Variants in BCL11B observed in about 807,000 individuals in gnomAD.
BCL11B encodes BCL11 transcription factor B.
Under a neutral mutation model 49.9 loss-of-function variants are expected in BCL11B, and 8 were observed. That is an observed-to-expected ratio of 0.16 (90% CI 0.09 to 0.29). BCL11B has a LOEUF of 0.29. BCL11B is among the 10% of genes least tolerant of loss of function. The pLI, the probability that BCL11B is intolerant of heterozygous loss-of-function variation, is 1.00. For synonymous variants in BCL11B, 739 were observed against 637.4 expected (o/e 1.16, Z -2.40); for missense variants, 1,006 against 1,351.0 (o/e 0.74, Z 4.00).
At chr14:99,214,145 C>T (rs1352419737) in intron 3 of BCL11B, among the ~76,000 whole-genome samples, 2 of 152,182 alleles carry the variant, frequency 1.3e-5, no homozygotes, top group African/African-American at 2.4e-5. Flanking sequence ...CCCCCATCCA[C>T]GGCCCTGCCT....
Position 99,232,119 on chromosome 14 carries a change from T to C in BCL11B, c.428-562A>G, listed in dbSNP as rs1460114146. Among the ~76,000 whole-genome samples, 4 of 152,010 alleles carry C rather than the reference T, an allele frequency of 2.6e-5. No individual in the cohort carries two copies. Among genetic ancestry groups the C allele is most frequent in the Admixed American group, 2.6e-4 (4 of 15,276 alleles). On this transcript the variant is annotated intron_variant, in intron 2 of 3. Coordinates refer to ENST00000357195, the MANE Select transcript of BCL11B (RefSeq NM_138576.4). This position sits in a 1 kb window ranked among gnomAD's most constrained non-coding sequence, Gnocchi z 5.1. ...GTCTGGCAGACCACCAGCTGGGGGC[T>C]CTCTCCAGCCCCAAGCACTGAGCGT...
At position 99,231,226 on chromosome 14, in the gene BCL11B, A is replaced by T; in HGVS notation, c.640+119T>A. On this transcript the variant is annotated intron_variant, in intron 3 of 3. Coordinates refer to ENST00000357195, the MANE Select transcript of BCL11B (RefSeq NM_138576.4). The surrounding 1 kb of genome is among the most constrained non-coding windows in gnomAD (Gnocchi z 8.1). Reference sequence around the variant, plus strand: ...TCTTTACCACTTCCCCTGGCACCCCAAAAAGCCTTCTGGGTGGGAGCTGCC... The same window carrying T: ...TCTTTACCACTTCCCCTGGCACCCCTAAAAGCCTTCTGGGTGGGAGCTGCC... 8.6e-7 allele frequency: 1 copy of T among 1,156,184 alleles called. No individual in the cohort carries two copies. Among genetic ancestry groups the T allele is most frequent in the Non-Finnish European group, 1.2e-6 (1 of 828,396 alleles). 71.6% of individuals were successfully genotyped at this position (1,156,184 alleles called of 1,614,324 possible).
At chr14:99,188,688 G>A (rs797005200) in intron 3 of BCL11B, among the ~76,000 whole-genome samples, 3 of 152,302 alleles carry the variant, frequency 2.0e-5, no homozygotes, top group African/African-American at 7.2e-5. Context: ...GGGGCAGGGT[G>A]TGAATTTCCT....
chr14:99,201,045 C>T (rs937860048), intron 3 of BCL11B, among the ~76,000 whole-genome samples: 1 of 152,194 alleles, frequency 6.6e-6, no homozygotes, highest in Non-Finnish European at 1.5e-5. Context: ...GCAGGTCGGA[C>T]AGTGGACACA....
Position 99,257,907 on chromosome 14 carries a change from C to A in BCL11B, c.59-68G>T. 1.4e-6 allele frequency: 2 copies of A among 1,429,820 alleles called. No individual in the cohort carries two copies. The highest frequency in any genetic ancestry group is 1.8e-6 in the Non-Finnish European group (2 of 1,088,144). The allele number at this position is 1,429,820 out of a possible 1,614,324, so 88.6% of individuals were successfully genotyped here. A position where few individuals can be genotyped will look rare whatever the true frequency, so the allele number is the denominator to read the frequency against. On this transcript the variant is annotated intron_variant, in intron 1 of 3. Coordinates refer to ENST00000357195, the MANE Select transcript of BCL11B (RefSeq NM_138576.4). The surrounding 1 kb of genome is among the most constrained non-coding windows in gnomAD (Gnocchi z 6.2). Reference sequence around the variant, plus strand: ...GATGGGCTTAGGCGGTCACAGCACCCAACTTCCGGTCCACCCCTTCCCCGC... The same window carrying A: ...GATGGGCTTAGGCGGTCACAGCACCAAACTTCCGGTCCACCCCTTCCCCGC...
chr14:99,174,967 G>A lies in BCL11B; in HGVS notation c.1869C>T (p.Phe623=). 6.5e-7 allele frequency: 1 copy of A among 1,548,580 alleles called. No homozygotes were observed. The highest frequency in any genetic ancestry group is 8.7e-7 in the Non-Finnish European group (1 of 1,155,992). The part of the protein sequence containing the change: ...LLADKQKRGA[F]LKRAAGGGDA... ...CCCCGCCGCCCGCCGCACGCTTCAG[G>A]AAGGCGCCGCGCTTCTGCTTGTCGG... is the stretch of plus-strand genomic sequence containing the variant. The change falls in exon 4 of 4, where the codon TTC becomes TTT. Residue 623 remains phenylalanine, a synonymous_variant. Transcript: ENST00000357195.
intron 3 of BCL11B, among the ~76,000 whole-genome samples, chr14:99,191,707 C>T (rs1341814228): frequency 1.3e-5 from 2 of 150,186 alleles, no homozygotes; most frequent in Non-Finnish European, 3.0e-5. Context: ...CCCCCCTGCC[C>T]GCAGCCCTCC....
rs187287308 is a variant in BCL11B at position 99,255,154 on chromosome 14, G to A, written c.427+2317C>T. The stretch of plus-strand genomic sequence containing the variant: ...GAGGAATGGGAACTAGAAGGCAGGC[G>A]CATGTGTGCTGTTAAAATGGGATGG... On this transcript the variant is annotated intron_variant, in intron 2 of 3. Transcript: ENST00000357195. Among the ~76,000 whole-genome samples, 10 of 152,254 alleles carry A rather than the reference G, an allele frequency of 6.6e-5. No individual in the cohort carries two copies. The East Asian group carries it at 1.4e-3, about 21-fold the overall frequency.
At chr14:99,181,498 G>T (rs1413344085) in intron 3 of BCL11B, among the ~76,000 whole-genome samples, 3 of 152,148 alleles carry the variant, frequency 2.0e-5, no homozygotes, top group Non-Finnish European at 2.9e-5. Flanking sequence ...CTCCAGCCCC[G>T]CCTCGGCACA....
rs749251363 is a variant in BCL11B, at chr14:99,231,358, C to G, written c.627G>C (p.Gln209His). 1 of 1,609,656 alleles carries G rather than the reference C, an allele frequency of 6.2e-7. No homozygotes were observed. Among genetic ancestry groups the G allele is most frequent in the Non-Finnish European group, 8.5e-7 (1 of 1,178,766 alleles). Reference protein sequence around the residue: ...EGQTEAPFGCQCQLSGKDEPS... With the variant: ...EGQTEAPFGCHCQLSGKDEPS... Reference sequence around the variant, plus strand: ...GTCGTCTGTTACCTGACAACTGACACTGGCATCCAAAGGGAGCCTCCGTCT... The same window carrying G: ...GTCGTCTGTTACCTGACAACTGACAGTGGCATCCAAAGGGAGCCTCCGTCT... The change falls in exon 3 of 4, where the codon CAG (glutamine) becomes CAC (histidine). Residue 209 changes from glutamine (Q) to histidine (H), a missense_variant. Gln to His is a conservative substitution (Grantham distance 24, BLOSUM62 0). Transcript: ENST00000357195. This position sits in a 1 kb window ranked among gnomAD's most constrained non-coding sequence, Gnocchi z 8.1.
At chr14:99,211,654 C>G (rs1264720231) in intron 3 of BCL11B, among the ~76,000 whole-genome samples, 1 of 152,142 alleles carries the variant, frequency 6.6e-6, no homozygotes, top group Non-Finnish European at 1.5e-5. Flanking sequence ...CCTGGTTCCT[C>G]GAGTCCATCG....
intron 3 of BCL11B, among the ~76,000 whole-genome samples, chr14:99,198,702 T>C (rs1887252300): frequency 6.6e-6 from 1 of 152,116 alleles, no homozygotes; most frequent in South Asian, 2.1e-4. Context: ...TTCCGCACCT[T>C]CCGCACCTTC....
chr14:99,268,800 G>T (rs1389622632), intron 1 of BCL11B, among the ~76,000 whole-genome samples: 1 of 152,044 alleles, frequency 6.6e-6, no homozygotes, highest in African/African-American at 2.4e-5. Context: ...TTGCCCTCTG[G>T]TCTCCTTCCC....
Position 99,191,013 on chromosome 14 carries a change from C to A in BCL11B, c.641-14818G>T, listed in dbSNP as rs551068205. ...ATTCAGTCCCAATTTTCAAGGAAGGCCTTTGATTCCACTCTTTTATTATTG... is the reference window on the plus strand; with the variant it reads ...ATTCAGTCCCAATTTTCAAGGAAGGACTTTGATTCCACTCTTTTATTATTG... On this transcript the variant is annotated intron_variant, in intron 3 of 3. Transcript: ENST00000357195. Among the ~76,000 whole-genome samples, 4 of 152,208 alleles carry A rather than the reference C, an allele frequency of 2.6e-5. No homozygotes were observed. The South Asian group carries it at 6.2e-4, about 24-fold the overall frequency.
chr14:99,199,120 A>C (rs192480289), intron 3 of BCL11B, among the ~76,000 whole-genome samples: 285 of 152,344 alleles, frequency 1.9e-3, no homozygotes, highest in Middle Eastern at 3.4e-3. Flanking sequence ...AAAAATGTTC[A>C]TTACCGAATT....
intron 2 of BCL11B, among the ~76,000 whole-genome samples, chr14:99,233,268 A>G (rs1032112358): frequency 6.6e-6 from 1 of 152,124 alleles, no homozygotes; most frequent in Non-Finnish European, 1.5e-5. Context: ...ATCCATCATC[A>G]TGACAGCCAC....
chr14:99,233,442 C>A (rs1209102678), intron 2 of BCL11B, among the ~76,000 whole-genome samples: 1 of 152,220 alleles, frequency 6.6e-6, no homozygotes, highest in Non-Finnish European at 1.5e-5. Context: ...GCAACGGCCA[C>A]ATAGTGGGCG....
intron 2 of BCL11B, among the ~76,000 whole-genome samples, chr14:99,240,451 C>A (rs369799233): frequency 2.1e-4 from 32 of 152,244 alleles, no homozygotes; most frequent in African/African-American, 7.2e-4. Flanking sequence ...AGAACAAAAT[C>A]TTTTCTATGG....
intron 3 of BCL11B, among the ~76,000 whole-genome samples, chr14:99,224,992 G>T (rs1257448): frequency 0.22 from 33,715 of 152,030 alleles, 4,107 homozygotes; most frequent in East Asian, 0.52. Context: ...GTGTCTGGTG[G>T]GCTCCCACTG....
Sources: allele counts gnomAD v4.1 joint callset (sites outside exome capture counted in the v4.1 genomes callset), GRCh38; gene constraint gnomAD v4.1.1; non-coding constraint Gnocchi (gnomAD v3.1); transcripts MANE v1.5; gene names NCBI Gene and HGNC (gene_info 2026-07-23, HGNC 2026-07-21).